The following MACROD2 variants were observed in gnomAD, a reference collection of about 807,000 sequenced individuals.
MACROD2 encodes the protein ADP-ribose glycohydrolase MACROD2.
A neutral mutation model predicts 70.4 loss-of-function variants in MACROD2; 36 were observed. The ratio of observed to expected loss-of-function variants is 0.51; its 90% CI spans 0.39 to 0.68. The LOEUF (loss-of-function observed/expected upper bound fraction) is 0.68. Among genes scored for constraint, MACROD2 ranks in the 30% least tolerant of loss-of-function variants. The pLI is 0.00. For missense variants in MACROD2, 496 were observed against 538.4 expected, an observed-to-expected ratio of 0.92 and a Z score of 0.78; for synonymous variants, 172 against 178.8, an observed-to-expected ratio of 0.96 and a Z score of 0.30.
chr20:14,648,630 ATATATATCTATC>A (rs1181046579), intron 4 of MACROD2, among the ~76,000 whole-genome samples: 2 of 151,754 alleles, frequency 1.3e-5, no homozygotes, highest in African/African-American at 4.8e-5. Context: ...ACATATATAT[ATATATATCTATC>A]TATCTCACAT....
At chr20:14,871,557 T>C (rs771719742) in intron 5 of MACROD2, among the ~76,000 whole-genome samples, 1 of 152,060 alleles carries the variant, frequency 6.6e-6, no homozygotes, top group Non-Finnish European at 1.5e-5. Context: ...TTATTAGCCA[T>C]TACAAAAACA....
intron 6 of MACROD2, among the ~76,000 whole-genome samples, chr20:15,315,922 A>G (rs1228538473): frequency 6.6e-6 from 1 of 152,188 alleles, no homozygotes; most frequent in African/African-American, 2.4e-5. Context: ...CAATAACAAC[A>G]TAAAGCAGGC....
chr20:14,296,240 T>C (rs2082427029), intron 3 of MACROD2, among the ~76,000 whole-genome samples: 1 of 151,912 alleles, frequency 6.6e-6, no homozygotes, highest in South Asian at 2.1e-4. Flanking sequence ...AAATTCGATA[T>C]CATCTGCTAC....
intron 6 of MACROD2, among the ~76,000 whole-genome samples, chr20:15,240,163 T>C (rs1044656505): frequency 6.6e-6 from 1 of 152,218 alleles, no homozygotes; most frequent in African/African-American, 2.4e-5. Context: ...GACCTGTTCT[T>C]ACCATTCTTT....
At chr20:15,175,942 C>A (rs2076457943) in intron 5 of MACROD2, among the ~76,000 whole-genome samples, 1 of 152,218 alleles carries the variant, frequency 6.6e-6, no homozygotes, top group African/African-American at 2.4e-5. Flanking sequence ...AATCTCTGCA[C>A]TCTCGGAGGC....
At chr20:14,929,469 G>A (rs2074272022) in intron 5 of MACROD2, 2 of 152,178 alleles carry the variant, frequency 1.3e-5, no homozygotes, top group African/African-American at 4.8e-5. Context: ...CGTCCTCGCT[G>A]GGCTCGCCAC....
Position 15,244,690 on chromosome 20 carries a change from C to T in MACROD2, c.540+14629C>T, listed in dbSNP as rs367695600. Among the ~76,000 whole-genome samples, 36 of 152,298 alleles carry T rather than the reference C, an allele frequency of 2.4e-4. 1 individual carries two copies. The South Asian group carries it at 7.2e-3, about 31-fold the overall frequency. The stretch of plus-strand genomic sequence containing the variant: ...ATAGCTTTTCTCTGCTAAAAGATCT[C>T]AGGGTCTGATTTTATTTTGATATTA... On this transcript the variant is annotated intron_variant, in intron 6 of 17. Coordinates refer to ENST00000684519, the MANE Select transcript of MACROD2 (RefSeq NM_001351661.2).
chr20:14,165,072 A>T (rs1350826320), intron 3 of MACROD2, among the ~76,000 whole-genome samples: 2 of 152,050 alleles, frequency 1.3e-5, no homozygotes, highest in East Asian at 3.9e-4. Context: ...GGATGTGGGG[A>T]TGCAGGGGCT....
chr20:14,591,377 C>G (rs538879274), intron 4 of MACROD2, among the ~76,000 whole-genome samples: 2 of 152,268 alleles, frequency 1.3e-5, no homozygotes, highest in African/African-American at 4.8e-5. Context: ...TTTATTTGCT[C>G]TCTCTTATTC....
chr20:14,254,559 A>G (rs2082037979), intron 3 of MACROD2, among the ~76,000 whole-genome samples: 1 of 152,104 alleles, frequency 6.6e-6, no homozygotes, highest in African/African-American at 2.4e-5. Context: ...CTAGTAAAAT[A>G]AGGAGAGTTA....
intron 4 of MACROD2, among the ~76,000 whole-genome samples, chr20:14,560,548 T>C (rs1179004721): frequency 2.6e-5 from 4 of 151,926 alleles, no homozygotes; most frequent in Admixed American, 6.6e-5. Flanking sequence ...TCACAACTCA[T>C]TTTATTAATG....
chr20:14,170,809 T>G (rs966236912), intron 3 of MACROD2, among the ~76,000 whole-genome samples: 4 of 152,278 alleles, frequency 2.6e-5, no homozygotes, highest in African/African-American at 9.6e-5. Context: ...TAGTTTTCCT[T>G]TTTTTATTAT....
intron 4 of MACROD2, among the ~76,000 whole-genome samples, chr20:14,668,780 T>C (rs2070763974): frequency 6.6e-6 from 1 of 152,096 alleles, no homozygotes; most frequent in Non-Finnish European, 1.5e-5. Context: ...TTTTTTTTCA[T>C]GCACATTTCC....
chr20:14,142,130 T>C (rs73088835), intron 3 of MACROD2, among the ~76,000 whole-genome samples: 268 of 152,322 alleles, frequency 1.8e-3, no homozygotes, highest in Admixed American at 2.9e-3. Context: ...ATTTATATTA[T>C]ATAAAATCTC....
At chr20:14,118,664 C>T (rs1281287299) in intron 3 of MACROD2, among the ~76,000 whole-genome samples, 1 of 152,126 alleles carries the variant, frequency 6.6e-6, no homozygotes, top group African/African-American at 2.4e-5. Flanking sequence ...CATTTTTATT[C>T]TACCCTTCTT....
At chr20:14,134,007 G>A (rs1024378276) in intron 3 of MACROD2, among the ~76,000 whole-genome samples, 9 of 152,192 alleles carry the variant, frequency 5.9e-5, no homozygotes, top group African/African-American at 1.4e-4. Context: ...AGTTCCCTGC[G>A]GGATGAGCCA....
chr20:15,538,214 G>C (rs1810966727), intron 8 of MACROD2, among the ~76,000 whole-genome samples: 1 of 152,154 alleles, frequency 6.6e-6, no homozygotes, highest in African/African-American at 2.4e-5. Flanking sequence ...CCCATTTGCT[G>C]AACATTTACT....
chr20:15,201,342 G>C (rs112981748), intron 5 of MACROD2, among the ~76,000 whole-genome samples: 23 of 152,228 alleles, frequency 1.5e-4, no homozygotes, highest in African/African-American at 5.5e-4. Context: ...TGACACATAA[G>C]TTTTAACTAT....
chr20:16,043,917 C>T (rs919466240), intron 16 of MACROD2, among the ~76,000 whole-genome samples: 1 of 152,080 alleles, frequency 6.6e-6, no homozygotes. Context: ...TATGTACATC[C>T]AAACTGTCAA....
Sources: gnomAD v4.1 joint callset for allele counts (sites outside exome capture counted in the v4.1 genomes callset) on GRCh38, gnomAD v4.1.1 for gene constraint, MANE v1.5 for transcripts, NCBI Gene and HGNC (gene_info 2026-07-23, HGNC 2026-07-21) for gene names.